The following RFTN2 variants were observed in gnomAD, a reference collection of about 807,000 sequenced individuals.
RFTN2 encodes raftlin-2.
Under a neutral mutation model 52.7 loss-of-function variants are expected in RFTN2, and 34 were observed. The observed-to-expected ratio is 0.64, with a 90% CI of 0.49 to 0.86. RFTN2 has a LOEUF of 0.86. RFTN2 is among the 40% of genes least tolerant of loss of function. The pLI, the probability that RFTN2 is intolerant of heterozygous loss-of-function variation, is 0.00. For synonymous variants in RFTN2, 203 were observed against 217.7 expected (o/e 0.93, Z 0.59); for missense variants, 536 against 600.1 (o/e 0.89, Z 1.12).
intron 8 of RFTN2, chr2:197,587,905 C>T (rs1228177848): frequency 2.3e-5 from 10 of 440,952 alleles, no homozygotes; most frequent in South Asian, 1.0e-4. Context: ...CCTTATTCTA[C>T]AGAGGTGGGG....
At chr2:197,594,879 C>G (rs2087772491) in intron 8 of RFTN2, among the ~76,000 whole-genome samples, 1 of 152,236 alleles carries the variant, frequency 6.6e-6, no homozygotes, top group Non-Finnish European at 1.5e-5. Context: ...CACAGTCAAT[C>G]TAGCTCTTTG....
At chr2:197,665,050 C>T (rs924661013) in intron 1 of RFTN2, among the ~76,000 whole-genome samples, 2 of 152,242 alleles carry the variant, frequency 1.3e-5, no homozygotes, top group Admixed American at 6.5e-5. Flanking sequence ...GGGCACTATG[C>T]GCACTACCTG....
chr2:197,647,337 G>A (rs943625454), intron 1 of RFTN2, among the ~76,000 whole-genome samples: 20 of 151,810 alleles, frequency 1.3e-4, no homozygotes, highest in Non-Finnish European at 2.9e-4. Flanking sequence ...ATCCTTCCAC[G>A]TAGCTGGGAC....
intron 8 of RFTN2, among the ~76,000 whole-genome samples, chr2:197,574,557 A>T (rs1017840071): frequency 1.2e-4 from 18 of 152,048 alleles, no homozygotes; most frequent in Non-Finnish European, 1.9e-4. Context: ...TGGACTTTTG[A>T]GTTAATGCTG....
intron 1 of RFTN2, among the ~76,000 whole-genome samples, chr2:197,657,993 T>A (rs2088916907): frequency 1.3e-5 from 2 of 152,122 alleles, no homozygotes; most frequent in African/African-American, 4.8e-5. Context: ...AGGGGAGAGC[T>A]GTGCCTATAG....
rs2088751141 is a variant in RFTN2 at position 197,646,510 on chromosome 2, C to G, written c.296G>C (p.Arg99Thr). The change falls in exon 2 of 9, where the codon AGA becomes ACA. Residue 99 changes from arginine to threonine, a missense_variant. Coordinates refer to ENST00000295049, the MANE Select transcript of RFTN2 (RefSeq NM_144629.3). The stretch of plus-strand genomic sequence containing the variant: ...TAATTTCAAGCGCAATAGCACCACT[C>G]TGTATAGGTAACTTGCAGGTAGGTG... ...RKHLPASYLY[R>T]VVLLRLKLSP... 1 of 1,613,988 alleles carries G rather than the reference C, an allele frequency of 6.2e-7. No individual in the cohort carries two copies. Among genetic ancestry groups the G allele is most frequent in the Admixed American group, 1.7e-5 (1 of 59,992 alleles).
intron 8 of RFTN2, among the ~76,000 whole-genome samples, chr2:197,576,651 G>T (rs893984540): frequency 2.6e-5 from 4 of 152,084 alleles, no homozygotes; most frequent in Admixed American, 6.6e-5. Context: ...TTTTCTACTG[G>T]TTTTTACAGC....
intron 8 of RFTN2, among the ~76,000 whole-genome samples, chr2:197,589,711 T>A (rs1372013307): frequency 1.3e-5 from 2 of 152,194 alleles, no homozygotes; most frequent in Non-Finnish European, 2.9e-5. Flanking sequence ...GTTCTTTTCT[T>A]ACTCTTCAAT....
intron 5 of RFTN2, among the ~76,000 whole-genome samples, chr2:197,619,412 G>C (rs964396081): frequency 6.6e-6 from 1 of 152,246 alleles, no homozygotes; most frequent in African/African-American, 2.4e-5. Flanking sequence ...AAATTCTTCT[G>C]CCTTGGGATC....
Position 197,613,595 on chromosome 2 carries a change from C to T in RFTN2, c.1154+2281G>A, listed in dbSNP as rs182071920. Among the ~76,000 whole-genome samples the T allele has an allele frequency of 1.6e-4, 24 of 152,324 alleles. No homozygotes were observed. In the East Asian group the frequency reaches 4.6e-3, roughly 29 times the overall value. ...TGACATCATTGACCATGATTACTATCGTTGTGTGTACTGAAGCAGCTAAGA... is the reference window on the plus strand; with the variant it reads ...TGACATCATTGACCATGATTACTATTGTTGTGTGTACTGAAGCAGCTAAGA... On this transcript the variant is annotated intron_variant, in intron 7 of 8. Coordinates refer to ENST00000295049, the MANE Select transcript of RFTN2 (RefSeq NM_144629.3).
At chr2:197,581,578 T>A (rs1483968140) in intron 8 of RFTN2, among the ~76,000 whole-genome samples, 1 of 152,164 alleles carries the variant, frequency 6.6e-6, no homozygotes, top group African/African-American at 2.4e-5. Flanking sequence ...ACCTTCTACT[T>A]TGTAGCCCCT....
At chr2:197,574,516 C>T (rs1043469932) in intron 8 of RFTN2, among the ~76,000 whole-genome samples, 1 of 141,514 alleles carries the variant, frequency 7.1e-6, no homozygotes, top group African/African-American at 2.6e-5. Context: ...GCAGAAGGGA[C>T]TTGCCTTGTC....
At chr2:197,622,264 T>C (rs2088278113) in intron 5 of RFTN2, among the ~76,000 whole-genome samples, 1 of 152,200 alleles carries the variant, frequency 6.6e-6, no homozygotes, top group South Asian at 2.1e-4. Context: ...GCTAAGAGAA[T>C]AGATAAAGGT....
Position 197,577,683 on chromosome 2 carries a change from C to CT in RFTN2, c.1234-5404dup, listed in dbSNP as rs1411330344. On this transcript the variant is annotated intron_variant, in intron 8 of 8. Coordinates refer to ENST00000295049, the MANE Select transcript of RFTN2 (RefSeq NM_144629.3). ...CACATGCACAATGAATGCATTTACT[C>CT]TTTTTTTTGAGACAGAGTTTCTCTC... Among the ~76,000 whole-genome samples, 53 of 152,066 alleles carry CT rather than the reference C, an allele frequency of 3.5e-4. 1 individual carries two copies. The South Asian group carries it at 1.0e-2, about 29-fold the overall frequency.
intron 8 of RFTN2, among the ~76,000 whole-genome samples, chr2:197,579,752 C>T (rs2087475086): frequency 6.6e-6 from 1 of 152,104 alleles, no homozygotes. Context: ...TCTGACCTCT[C>T]CCTTCCTCCC....
rs200737713 is a variant in RFTN2, at chr2:197,596,042, G to A, written c.1182C>T (p.Ile394=). The A allele has an allele frequency of 3.2e-5, 52 of 1,611,396 alleles. No homozygotes were observed. Among genetic ancestry groups the A allele is most frequent in the South Asian group, 1.1e-5 (1 of 90,954 alleles). Residue 394 remains isoleucine (I), a synonymous_variant, in exon 8 of 9, where the codon ATC becomes ATT. Transcript: ENST00000295049. Reference sequence around the variant, plus strand: ...ACATAACTGGCCTCTGAAGGAATACGATCTGCTTTGTAGCCAAATTCCCTT... The same window carrying A: ...ACATAACTGGCCTCTGAAGGAATACAATCTGCTTTGTAGCCAAATTCCCTT... ...DSEGNLATKQ[I]VFLQRPVMWN... is the part of the protein sequence containing the mutation.
Position 197,633,762 on chromosome 2 carries a change from TCCATTTGATA to T in RFTN2, c.664_673del (p.Tyr222AsnfsTer44). ...AGAGGAAGTAGGGCTGCCATTTTGT[TCCATTTGATA>T]CTGTCCACTTTCATGATGAAGTTCT... On this transcript the variant is annotated frameshift_variant, in exon 4 of 9. Transcript: ENST00000295049. LOFTEE classifies it high-confidence loss of function. 1.2e-6 allele frequency: 2 copies of T among 1,613,878 alleles called. No individual in the cohort carries two copies. Among genetic ancestry groups the T allele is most frequent in the Non-Finnish European group, 1.7e-6 (2 of 1,179,816 alleles).
At chr2:197,600,168 G>A (rs2087859148) in intron 7 of RFTN2, among the ~76,000 whole-genome samples, 1 of 152,122 alleles carries the variant, frequency 6.6e-6, no homozygotes, top group Non-Finnish European at 1.5e-5. Context: ...CTAAGCACGA[G>A]CTTTAAAACT....
chr2:197,580,030 T>C (rs530990661), intron 8 of RFTN2, among the ~76,000 whole-genome samples: 1 of 152,134 alleles, frequency 6.6e-6, no homozygotes, highest in Non-Finnish European at 1.5e-5. Flanking sequence ...AGGCTCTTTT[T>C]CATCAAATTA....
Sources: allele counts gnomAD v4.1 joint callset (sites outside exome capture counted in the v4.1 genomes callset), GRCh38; gene constraint gnomAD v4.1.1; transcripts MANE v1.5; gene names NCBI Gene and HGNC (gene_info 2026-07-23, HGNC 2026-07-21).